NCOA7: variants seen among roughly 807,000 people sequenced by gnomAD.
NCOA7 encodes nuclear receptor coactivator 7.
A neutral mutation model predicts 104.3 loss-of-function variants in NCOA7; 45 were observed. The observed-to-expected ratio is 0.43, with a 90% CI of 0.34 to 0.55. The LOEUF is 0.55. Ranked by LOEUF, NCOA7 falls within the 20% of genes least tolerant of loss-of-function variation. NCOA7 has a pLI of 0.02. For missense variants in NCOA7, 1,041 were observed against 1,119.7 expected (o/e 0.93, Z 1.00); for synonymous variants, 398 against 402.3 (o/e 0.99, Z 0.13).
intron 3 of NCOA7, among the ~76,000 whole-genome samples, chr6:125,856,760 C>T (rs940331479): frequency 6.6e-6 from 1 of 152,098 alleles, no homozygotes; most frequent in African/African-American, 2.4e-5. Context: ...AAGCAAAGGG[C>T]AGTCACTAAG....
chr6:125,792,750 T>G (rs1163915233), intron 1 of NCOA7, among the ~76,000 whole-genome samples: 1 of 152,076 alleles, frequency 6.6e-6, no homozygotes, highest in East Asian at 1.9e-4. Context: ...ATACAGTGTC[T>G]TCCTGCTTTA....
chr6:125,805,837 A>G lies in NCOA7; in HGVS notation c.-64-9454A>G, dbSNP rs374225632. Among the ~76,000 whole-genome samples the G allele has an allele frequency of 2.2e-4, 34 of 152,310 alleles. No homozygotes were observed. The South Asian group carries it at 7.0e-3, about 32-fold the overall frequency. On this transcript the variant is annotated intron_variant, in intron 1 of 15. Coordinates refer to ENST00000392477, the MANE Select transcript of NCOA7 (RefSeq NM_181782.5). The stretch of plus-strand genomic sequence containing the variant: ...AAAATGGTATTTCATGAACACTTGC[A>G]TATTTGGATGCATGGAAATCTCAAT...
At chr6:125,797,188 A>G (rs1485042564) in intron 1 of NCOA7, among the ~76,000 whole-genome samples, 1 of 152,178 alleles carries the variant, frequency 6.6e-6, no homozygotes, top group Non-Finnish European at 1.5e-5. Flanking sequence ...TACTCTTAAG[A>G]CATTGAAAGG....
chr6:125,899,981 G>C (rs780556829), intron 10 of NCOA7: 5 of 532,962 alleles, frequency 9.4e-6, no homozygotes, highest in Non-Finnish European at 1.9e-5. Context: ...TTCCACTGCA[G>C]ACTAATCCCT....
intron 2 of NCOA7, among the ~76,000 whole-genome samples, chr6:125,839,621 C>T (rs890322132): frequency 1.3e-5 from 2 of 152,074 alleles, no homozygotes; most frequent in East Asian, 1.9e-4. Flanking sequence ...TTATCACTCA[C>T]GAGATTCCAG....
chr6:125,831,286 C>T (rs985578311), intron 2 of NCOA7, among the ~76,000 whole-genome samples: 1 of 152,100 alleles, frequency 6.6e-6, no homozygotes, highest in Admixed American at 6.5e-5. Flanking sequence ...AAATCTAGCC[C>T]AACCAAAAAA....
At chr6:125,799,661 C>T (rs1038545750) in intron 1 of NCOA7, among the ~76,000 whole-genome samples, 3 of 152,052 alleles carry the variant, frequency 2.0e-5, no homozygotes, top group East Asian at 1.9e-4. Flanking sequence ...AGGCTGGTCT[C>T]GAACTCCTGG....
chr6:125,799,682 T>C (rs1336696140), intron 1 of NCOA7, among the ~76,000 whole-genome samples: 1 of 152,146 alleles, frequency 6.6e-6, no homozygotes, highest in African/African-American at 2.4e-5. Context: ...CCTCAAATGA[T>C]CCGCCCTCCT....
chr6:125,787,517 C>G (rs981698008), upstream of NCOA7, among the ~76,000 whole-genome samples: 1 of 152,164 alleles, frequency 6.6e-6, no homozygotes, highest in Non-Finnish European at 1.5e-5. Flanking sequence ...TCTCTTCTTC[C>G]TTTAAGAGAG....
intron 3 of NCOA7, among the ~76,000 whole-genome samples, chr6:125,860,830 A>G (rs995724425): frequency 3.9e-5 from 6 of 152,226 alleles, no homozygotes; most frequent in African/African-American, 1.4e-4. Flanking sequence ...ATGGGCACAT[A>G]TTATAAATAA....
chr6:125,825,927 C>A (rs565509140), intron 2 of NCOA7, among the ~76,000 whole-genome samples: 2 of 152,260 alleles, frequency 1.3e-5, no homozygotes, highest in East Asian at 3.9e-4. Context: ...CACATACATA[C>A]ATATGCAAAC....
chr6:125,833,719 C>G (rs1274952551), intron 2 of NCOA7, among the ~76,000 whole-genome samples: 1 of 152,060 alleles, frequency 6.6e-6, no homozygotes, highest in African/African-American at 2.4e-5. Context: ...CCATTGCCAT[C>G]AGCACGTTCC....
chr6:125,881,309 G>C (rs953896810), intron 6 of NCOA7, 106 bp downstream of exon 6: 5 of 839,300 alleles, frequency 6.0e-6, no homozygotes, highest in African/African-American at 1.7e-5. Context: ...ATTCTCCCTA[G>C]ATGGTTGAGA....
chr6:125,914,303 A>G (rs2128688556), intron 10 of NCOA7, among the ~76,000 whole-genome samples: 1 of 152,356 alleles, frequency 6.6e-6, no homozygotes, highest in African/African-American at 2.4e-5. Flanking sequence ...ATGTGGTAAA[A>G]GTATATAATG....
chr6:125,822,954 CAAAA>C (rs1221738703), intron 2 of NCOA7, among the ~76,000 whole-genome samples: 1 of 137,626 alleles, frequency 7.3e-6, no homozygotes, highest in Non-Finnish European at 1.6e-5. Flanking sequence ...AAAAAAACAA[CAAAA>C]AAAAACATGC....
intron 2 of NCOA7, among the ~76,000 whole-genome samples, chr6:125,834,597 C>T (rs1056164773): frequency 2.0e-5 from 3 of 152,204 alleles, no homozygotes; most frequent in Non-Finnish European, 4.4e-5. Context: ...TCTCACTCTA[C>T]TTTAGCAGAC....
At chr6:125,903,183 A>C (rs1785657793) in intron 10 of NCOA7, among the ~76,000 whole-genome samples, 1 of 152,202 alleles carries the variant, frequency 6.6e-6, no homozygotes, top group Non-Finnish European at 1.5e-5. Context: ...GTGTATGAAG[A>C]AATCTGATTA....
At chr6:125,796,354 A>G (rs1775330907) in intron 1 of NCOA7, among the ~76,000 whole-genome samples, 1 of 11,850 alleles carries the variant, frequency 8.4e-5, no homozygotes, top group African/African-American at 4.9e-4. Context: ...ACCTCAATAT[A>G]AATCAGTAGT....
chr6:125,802,190 A>G (rs375640170), intron 1 of NCOA7: 2 of 152,266 alleles, frequency 1.3e-5, no homozygotes, highest in East Asian at 3.9e-4. Flanking sequence ...AGACTCCATG[A>G]AGTAATTTGT....
Sources: gnomAD v4.1 joint callset for allele counts (sites outside exome capture counted in the v4.1 genomes callset) on GRCh38, gnomAD v4.1.1 for gene constraint, MANE v1.5 for transcripts, NCBI Gene and HGNC (gene_info 2026-07-23, HGNC 2026-07-21) for gene names.